NBAS: variants seen among roughly 807,000 people sequenced by gnomAD.
The protein encoded by NBAS is NAG/BC035112 fusion.
A neutral mutation model predicts 302.5 loss-of-function variants in NBAS; 219 were observed. That is an observed-to-expected ratio of 0.72 (90% CI 0.65 to 0.81). The LOEUF (loss-of-function observed/expected upper bound fraction) is 0.81. Ranked by LOEUF, NBAS falls within the 30% of genes least tolerant of loss-of-function variation. The pLI is 0.00. For missense variants in NBAS, 2,932 were observed against 2,841.6 expected (o/e 1.03, Z -0.72); for synonymous variants, 1,118 against 1,021.6 (o/e 1.09, Z -1.80).
intron 22 of NBAS, among the ~76,000 whole-genome samples, chr2:15,426,162 A>G (rs1433600852): frequency 6.6e-6 from 1 of 152,258 alleles, no homozygotes; most frequent in Non-Finnish European, 1.5e-5. Flanking sequence ...ACAGAAATCT[A>G]TAGCAAAAAA....
At chr2:15,377,802 C>A (rs1674820003) in intron 30 of NBAS, among the ~76,000 whole-genome samples, 1 of 152,176 alleles carries the variant, frequency 6.6e-6, no homozygotes, top group African/African-American at 2.4e-5. Context: ...ACTGAAAAAA[C>A]TGTGTAATAA....
At chr2:15,173,175 T>C (rs1664375910) in intron 51 of NBAS, among the ~76,000 whole-genome samples, 1 of 152,220 alleles carries the variant, frequency 6.6e-6, no homozygotes, top group African/African-American at 2.4e-5. Context: ...TTTTTGAGAA[T>C]AAATGATACT....
intron 40 of NBAS, among the ~76,000 whole-genome samples, chr2:15,300,657 G>T (rs531072391): frequency 1.3e-5 from 2 of 152,322 alleles, no homozygotes; most frequent in South Asian, 4.1e-4. Context: ...ACTACAGTGG[G>T]CTAGGTCTGG....
chr2:14,880,710 C>T, the NBAS span, among the ~76,000 whole-genome samples: 1 of 151,838 alleles, frequency 6.6e-6, no homozygotes, highest in South Asian at 2.1e-4. Flanking sequence ...GAGGATTCAA[C>T]ATATATATTT....
chr2:15,500,538 A>ACACG (rs1661472978), intron 11 of NBAS, among the ~76,000 whole-genome samples: 2 of 151,440 alleles, frequency 1.3e-5, no homozygotes. Context: ...ACACACACAC[A>ACACG]CAAAATTAGA....
chr2:15,204,308 T>G (rs868596633), intron 48 of NBAS, among the ~76,000 whole-genome samples: 1 of 152,112 alleles, frequency 6.6e-6, no homozygotes, highest in African/African-American at 2.4e-5. Flanking sequence ...TACTCTTACT[T>G]GAAGTCTAAA....
the NBAS span, among the ~76,000 whole-genome samples, chr2:14,839,984 C>T: frequency 2.0e-5 from 3 of 151,654 alleles, no homozygotes; most frequent in Non-Finnish European, 4.4e-5. Flanking sequence ...AGCTTTCTGG[C>T]CAAGAATTTA....
intron 23 of NBAS, among the ~76,000 whole-genome samples, chr2:15,419,604 T>C (rs1677113529): frequency 6.6e-6 from 1 of 152,154 alleles, no homozygotes; most frequent in African/African-American, 2.4e-5. Flanking sequence ...TAATTCTATA[T>C]TGACCATGTT....
chr2:14,962,271 T>C, the NBAS span, among the ~76,000 whole-genome samples: 2 of 152,154 alleles, frequency 1.3e-5, no homozygotes, highest in African/African-American at 2.4e-5. Context: ...AATGACAGCA[T>C]GCATTAAACA....
chr2:15,108,943 C>A, the NBAS span, among the ~76,000 whole-genome samples: 1 of 152,086 alleles, frequency 6.6e-6, no homozygotes, highest in African/African-American at 2.4e-5. Context: ...TCAGAAATCA[C>A]ATATGAGAGA....
chr2:15,156,467 GA>G, the NBAS span, among the ~76,000 whole-genome samples: 1 of 152,218 alleles, frequency 6.6e-6, no homozygotes, highest in Non-Finnish European at 1.5e-5. Flanking sequence ...TAGAAGCTGG[GA>G]AGTCCCAGAT....
the NBAS span, among the ~76,000 whole-genome samples, chr2:14,976,705 T>C: frequency 2.6e-5 from 4 of 152,232 alleles, no homozygotes; most frequent in African/African-American, 9.6e-5. Flanking sequence ...CTGGAATAGC[T>C]GGGTGGGCCC....
chr2:14,909,937 CTCTG>C, the NBAS span, among the ~76,000 whole-genome samples: 1 of 152,202 alleles, frequency 6.6e-6, no homozygotes, highest in African/African-American at 2.4e-5. Flanking sequence ...TGCTCTTGGG[CTCTG>C]TCTATTGCTG....
chr2:14,973,373 C>T, the NBAS span, among the ~76,000 whole-genome samples: 6 of 152,178 alleles, frequency 3.9e-5, no homozygotes, highest in African/African-American at 9.6e-5. Context: ...TAAACCTCTA[C>T]GAAGAAATGA....
the NBAS span, among the ~76,000 whole-genome samples, chr2:14,787,726 C>T: frequency 1.3e-5 from 2 of 152,288 alleles, no homozygotes; most frequent in African/African-American, 4.8e-5. Flanking sequence ...TGTGGGTAAC[C>T]CGACCTTTCT....
chr2:15,483,355 G>C (rs1680506201), intron 12 of NBAS: 2 of 437,720 alleles, frequency 4.6e-6, no homozygotes, highest in Non-Finnish European at 9.4e-6. Flanking sequence ...ATCTACTTAA[G>C]ATTAGTCCAA....
chr2:14,974,107 T>G, the NBAS span, among the ~76,000 whole-genome samples: 5 of 152,240 alleles, frequency 3.3e-5, no homozygotes, highest in Non-Finnish European at 5.9e-5. Flanking sequence ...CACAACTGAT[T>G]TATTTAAAAC....
chr2:15,059,329 G>A, the NBAS span, among the ~76,000 whole-genome samples: 1 of 152,194 alleles, frequency 6.6e-6, no homozygotes, highest in Non-Finnish European at 1.5e-5. Context: ...GTTCCTTGTT[G>A]ATGAAGCAGC....
chr2:14,980,379 G>A, the NBAS span, among the ~76,000 whole-genome samples: 1 of 152,156 alleles, frequency 6.6e-6, no homozygotes, highest in African/African-American at 2.4e-5. Context: ...CACAGGGGCT[G>A]AAAATAGAAA....
Sources: gnomAD v4.1 joint callset for allele counts (sites outside exome capture counted in the v4.1 genomes callset) on GRCh38, gnomAD v4.1.1 for gene constraint, MANE v1.5 for transcripts, NCBI Gene and HGNC (gene_info 2026-07-23, HGNC 2026-07-21) for gene names.